RELL1: variants seen among roughly 807,000 people sequenced by gnomAD.
RELL1 encodes the protein RELT like 1, also known as RELT-like protein 1.
A neutral mutation model predicts 23.0 loss-of-function variants in RELL1; 10 were observed. The ratio of observed to expected loss-of-function variants is 0.43; its 90% CI spans 0.27 to 0.74. The LOEUF (loss-of-function observed/expected upper bound fraction) is 0.74, where lower values mean the gene tolerates loss of function less well. Ranked by LOEUF, RELL1 falls within the 30% of genes least tolerant of loss-of-function variation. RELL1 has a pLI of 0.19. For synonymous variants in RELL1, 146 were observed against 146.8 expected (o/e 0.99, Z 0.04); for missense variants, 315 against 364.4 (o/e 0.86, Z 1.10).
chr4:37,662,696 C>T (rs1025702125), intron 1 of RELL1, among the ~76,000 whole-genome samples: 1 of 152,078 alleles, frequency 6.6e-6, no homozygotes, highest in East Asian at 1.9e-4. Flanking sequence ...CACACTGTCT[C>T]GGGTTTACCA....
chr4:37,621,562 C>T (rs954205922), intron 6 of RELL1, among the ~76,000 whole-genome samples: 4 of 152,100 alleles, frequency 2.6e-5, no homozygotes, highest in African/African-American at 7.2e-5. Context: ...AAAATGTCTC[C>T]GAAAGCCTTT....
intron 6 of RELL1, among the ~76,000 whole-genome samples, chr4:37,625,201 A>G (rs1719897654): frequency 6.6e-6 from 1 of 152,216 alleles, no homozygotes; most frequent in Admixed American, 6.5e-5. Context: ...AAAAATAAAA[A>G]CAGATGTCTA....
downstream of RELL1, among the ~76,000 whole-genome samples, chr4:37,608,084 A>T (rs1470191665): frequency 6.6e-6 from 1 of 152,170 alleles, no homozygotes; most frequent in Non-Finnish European, 1.5e-5. Context: ...GACAAACTTA[A>T]TCTGTAAATG....
At chr4:37,674,919 G>A (rs540749613) in intron 1 of RELL1, among the ~76,000 whole-genome samples, 2 of 152,306 alleles carry the variant, frequency 1.3e-5, no homozygotes, top group African/African-American at 4.8e-5. Flanking sequence ...CAGGCTCTTT[G>A]TAAGTCTTCA....
At chr4:37,669,192 G>T (rs1560356841) in intron 1 of RELL1, among the ~76,000 whole-genome samples, 2 of 78,888 alleles carry the variant, frequency 2.5e-5, no homozygotes, top group Non-Finnish European at 4.9e-5. Flanking sequence ...GGGGGGGGGG[G>T]TCAGCCCCCT....
downstream of RELL1, chr4:37,590,133 T>C (rs142918992): frequency 1.0e-4 from 165 of 1,614,018 alleles, no homozygotes; most frequent in Non-Finnish European, 1.3e-4. Flanking sequence ...GCTATGTCAA[T>C]GAAGTCAACA....
chr4:37,644,527 C>A (rs1023293293), intron 3 of RELL1, among the ~76,000 whole-genome samples: 1 of 150,872 alleles, frequency 6.6e-6, no homozygotes, highest in Non-Finnish European at 1.5e-5. Context: ...AGTGACAGTG[C>A]AATCTTGGCT....
chr4:37,665,341 C>T (rs1721496976), intron 1 of RELL1: 1 of 453,412 alleles, frequency 2.2e-6, no homozygotes, highest in Non-Finnish European at 4.4e-6. Flanking sequence ...TACCAGCATG[C>T]TCCTGGGTTC....
chr4:37,672,732 T>C lies in RELL1; in HGVS notation c.88+13468A>G, dbSNP rs186217223. ...GAATTACTTTGAAGCTGGTTAGTTT[T>C]CCTTCCCCCAAATCTATTTCATCAC... On this transcript the variant is annotated intron_variant, in intron 1 of 6. Coordinates refer to ENST00000454158, the MANE Select transcript of RELL1 (RefSeq NM_001085400.2). Among the ~76,000 whole-genome samples, 14 of 152,268 alleles carry C rather than the reference T, an allele frequency of 9.2e-5. No individual in the cohort carries two copies. In the East Asian group the frequency reaches 2.3e-3, roughly 25 times the overall value.
chr4:37,665,742 G>A (rs1245442410), intron 1 of RELL1, among the ~76,000 whole-genome samples: 2 of 152,220 alleles, frequency 1.3e-5, no homozygotes, highest in Non-Finnish European at 2.9e-5. Context: ...TGGGGTCAAA[G>A]GGGTGCTCCT....
intron 1 of RELL1, among the ~76,000 whole-genome samples, chr4:37,671,086 T>C (rs899580185): frequency 6.6e-6 from 1 of 152,218 alleles, no homozygotes; most frequent in Non-Finnish European, 1.5e-5. Flanking sequence ...CCACCTAGCA[T>C]TTAGTGCAGA....
intron 5 of RELL1, among the ~76,000 whole-genome samples, chr4:37,632,330 C>T (rs1159388520): frequency 6.9e-6 from 1 of 144,906 alleles, no homozygotes; most frequent in Non-Finnish European, 1.5e-5. Flanking sequence ...TGCCACCATG[C>T]CTGGCTAATT....
chr4:37,682,589 G>A (rs1722260348), intron 1 of RELL1, among the ~76,000 whole-genome samples: 1 of 152,106 alleles, frequency 6.6e-6, no homozygotes, highest in Non-Finnish European at 1.5e-5. Context: ...ATTTTTAGAG[G>A]GGGTAGGGGC....
intron 1 of RELL1, among the ~76,000 whole-genome samples, chr4:37,670,591 G>A (rs898497782): frequency 9.7e-5 from 14 of 144,824 alleles, no homozygotes; most frequent in African/African-American, 3.7e-4. Context: ...TTTTTTTTGA[G>A]ATGGAGTCTC....
Position 37,649,454 on chromosome 4 carries a change from C to A in RELL1, c.135G>T (p.Pro45=). ...RTLHSRTETT[P]SPSNDTGNGH... ...CATTCCCAGTATCGTTGCTGGGCGA[C>A]GGGGTCGTCTCTGTTCTGGAGTGCA... The change falls in exon 2 of 7, where the codon CCG becomes CCT. Residue 45 remains proline, a synonymous_variant. Coordinates refer to ENST00000454158, the MANE Select transcript of RELL1 (RefSeq NM_001085400.2). The A allele has an allele frequency of 3.1e-6, 5 of 1,614,092 alleles. No homozygotes were observed. The highest frequency in any genetic ancestry group is 4.2e-6 in the Non-Finnish European group (5 of 1,179,962).
chr4:37,669,666 C>G (rs997846700), intron 1 of RELL1, among the ~76,000 whole-genome samples: 3 of 152,114 alleles, frequency 2.0e-5, no homozygotes, highest in African/African-American at 7.2e-5. Flanking sequence ...ACATGGGAGA[C>G]TTTTCATTTT....
chr4:37,683,973 C>A (rs1395302315), intron 1 of RELL1, among the ~76,000 whole-genome samples: 1 of 149,108 alleles, frequency 6.7e-6, no homozygotes, highest in Admixed American at 6.7e-5. Flanking sequence ...CCCAGCTACT[C>A]TGGAGGCTGA....
intron 1 of RELL1, among the ~76,000 whole-genome samples, chr4:37,680,553 T>C (rs1219999593): frequency 6.6e-6 from 1 of 152,208 alleles, no homozygotes; most frequent in Non-Finnish European, 1.5e-5. Context: ...AACATTTCTG[T>C]GTAACATAAA....
At chr4:37,647,510 C>A (rs973599866) in intron 2 of RELL1, 71 bp from the exon 3 acceptor site, 17 of 1,019,696 alleles carry the variant, frequency 1.7e-5, no homozygotes, top group African/African-American at 4.7e-5. Context: ...AATCTTAGAA[C>A]CCAAGACCTC....
Sources: allele counts gnomAD v4.1 joint callset (sites outside exome capture counted in the v4.1 genomes callset), GRCh38; gene constraint gnomAD v4.1.1; transcripts MANE v1.5; gene names NCBI Gene and HGNC (gene_info 2026-07-23, HGNC 2026-07-21).